The following CALN1 variants were observed in gnomAD, a reference collection of about 807,000 sequenced individuals.
The protein encoded by CALN1 is calneuron 1, also known as calcium-binding protein 8.
In CALN1, 17 loss-of-function variants were observed where a neutral mutation model predicts 30.6. That is an observed-to-expected ratio of 0.56 (90% confidence interval 0.38 to 0.83). The LOEUF is 0.83. Ranked by LOEUF, CALN1 falls within the 40% of genes least tolerant of loss-of-function variation. The pLI, the probability that CALN1 is intolerant of heterozygous loss-of-function variation, is 0.00. For missense variants in CALN1, 291 were observed against 354.9 expected (o/e 0.82, Z 1.45); for synonymous variants, 156 against 131.4 (o/e 1.19, Z -1.28).
chr7:72,025,603 G>A (rs948192965), intron 4 of CALN1, among the ~76,000 whole-genome samples: 1 of 152,124 alleles, frequency 6.6e-6, no homozygotes, highest in Non-Finnish European at 1.5e-5. Flanking sequence ...AGACAAGAGC[G>A]AACCTTCAAG....
chr7:71,854,974 C>T (rs1459740457), intron 5 of CALN1, among the ~76,000 whole-genome samples: 1 of 152,180 alleles, frequency 6.6e-6, no homozygotes, highest in Non-Finnish European at 1.5e-5. Context: ...CCTGTCTGGA[C>T]AAGGGCTATG....
chr7:72,361,324 A>G (rs116140803), intron 2 of CALN1, among the ~76,000 whole-genome samples: 2,067 of 152,150 alleles, frequency 0.014, 61 homozygotes, highest in African/African-American at 0.047. Flanking sequence ...AAATCCATTA[A>G]TAAGTAAAAT....
intron 4 of CALN1, among the ~76,000 whole-genome samples, chr7:72,045,326 C>T (rs981538102): frequency 6.6e-6 from 1 of 152,216 alleles, no homozygotes; most frequent in Non-Finnish European, 1.5e-5. Flanking sequence ...CAGCTCCTGA[C>T]TATGTGTGCT....
chr7:72,064,513 G>A (rs1803886168), intron 4 of CALN1, among the ~76,000 whole-genome samples: 1 of 152,120 alleles, frequency 6.6e-6, no homozygotes, highest in Non-Finnish European at 1.5e-5. Context: ...CCAGTTAGGT[G>A]GGGAAGGGTT....
the CALN1 span, among the ~76,000 whole-genome samples, chr7:72,457,695 G>C: frequency 0.01 from 1,518 of 151,444 alleles, 29 homozygotes; most frequent in African/African-American, 0.035. Flanking sequence ...CCACAGGACT[G>C]TCCCCCACTC....
At chr7:71,874,279 TAA>T (rs57423286) in intron 5 of CALN1, among the ~76,000 whole-genome samples, 43 of 97,612 alleles carry the variant, frequency 4.4e-4, no homozygotes, top group East Asian at 1.0e-3. Flanking sequence ...TCTCAAACAT[TAA>T]AAAAAAAAAA....
intron 6 of CALN1, among the ~76,000 whole-genome samples, chr7:71,790,719 A>G (rs1003060012): frequency 3.9e-5 from 6 of 152,236 alleles, no homozygotes; most frequent in African/African-American, 1.4e-4. Flanking sequence ...GCCCTATTGC[A>G]GAATTACTGA....
chr7:72,395,775 G>T (rs546286031), intron 2 of CALN1, among the ~76,000 whole-genome samples: 2 of 152,050 alleles, frequency 1.3e-5, no homozygotes, highest in Non-Finnish European at 2.9e-5. Flanking sequence ...TTGGTCAATG[G>T]AACAAGAGCA....
intron 5 of CALN1, among the ~76,000 whole-genome samples, chr7:71,900,409 C>A (rs1294551340): frequency 1.3e-5 from 2 of 152,006 alleles, no homozygotes; most frequent in African/African-American, 4.8e-5. Flanking sequence ...CCTAGAAAAC[C>A]CTAAAGACTC....
intron 4 of CALN1, among the ~76,000 whole-genome samples, chr7:72,065,179 C>A (rs1233837047): frequency 6.7e-6 from 1 of 149,342 alleles, no homozygotes; most frequent in Non-Finnish European, 1.5e-5. Context: ...TTTTAATGAC[C>A]TTTATCACCT....
chr7:72,457,062 G>A, the CALN1 span, among the ~76,000 whole-genome samples: 45 of 136,118 alleles, frequency 3.3e-4, no homozygotes, highest in Admixed American at 1.1e-3. Flanking sequence ...AGGCTGGAGT[G>A]CAGTGATGCA....
At chr7:72,171,906 C>A (rs917213016) in intron 3 of CALN1, among the ~76,000 whole-genome samples, 1 of 152,150 alleles carries the variant, frequency 6.6e-6, no homozygotes, top group Admixed American at 6.6e-5. Flanking sequence ...GTGTCGCCAT[C>A]CCATTTTAAA....
chr7:71,892,409 G>C (rs1489982640), intron 5 of CALN1, among the ~76,000 whole-genome samples: 1 of 152,170 alleles, frequency 6.6e-6, no homozygotes. Context: ...GGCCGAGGTG[G>C]GCGGATTACT....
At position 72,203,825 on chromosome 7, in the gene CALN1, A is replaced by T. The variant is rs138490046; in HGVS notation, c.244+74861T>A. 2.5e-3 allele frequency among the ~76,000 whole-genome samples: 374 copies of T among 152,036 alleles called. 3 individuals carry two copies. Among genetic ancestry groups the T allele is most frequent in the Middle Eastern group, 0.017 (5 of 294 alleles). ...TTGTTTAATAACATTTTTTTTTCTAAGTGCAAAAGTCATACTAGCCCAATG... is the reference window on the plus strand; with the variant it reads ...TTGTTTAATAACATTTTTTTTTCTATGTGCAAAAGTCATACTAGCCCAATG... On this transcript the variant is annotated intron_variant, in intron 3 of 6. Coordinates refer to ENST00000395275, the MANE Select transcript of CALN1 (RefSeq NM_031468.4).
intron 5 of CALN1, among the ~76,000 whole-genome samples, chr7:71,966,861 A>T (rs974263047): frequency 6.6e-6 from 1 of 152,318 alleles, no homozygotes; most frequent in African/African-American, 2.4e-5. Flanking sequence ...TTTACATGCA[A>T]CTTTGTAAGT....
chr7:72,264,488 T>A (rs1054497759), intron 3 of CALN1, among the ~76,000 whole-genome samples: 1 of 145,336 alleles, frequency 6.9e-6, no homozygotes, highest in Non-Finnish European at 1.5e-5. Flanking sequence ...TCAAAAATAA[T>A]AAGCAGGATT....
chr7:72,402,976 A>C (rs1389039303), intron 2 of CALN1, among the ~76,000 whole-genome samples: 1 of 152,188 alleles, frequency 6.6e-6, no homozygotes, highest in African/African-American at 2.4e-5. Context: ...TGTAAGTTGT[A>C]TTTGTCATTG....
intron 3 of CALN1, among the ~76,000 whole-genome samples, chr7:72,162,892 C>A (rs1788218956): frequency 6.6e-6 from 1 of 152,182 alleles, no homozygotes; most frequent in South Asian, 2.1e-4. Context: ...AAGTTTGGGG[C>A]TGCCAGAAGA....
At chr7:72,462,185 T>C in the CALN1 span, among the ~76,000 whole-genome samples, 1 of 151,986 alleles carries the variant, frequency 6.6e-6, no homozygotes, top group Non-Finnish European at 1.5e-5. Context: ...TATGTATTTA[T>C]TTATTTATTT....
Sources: allele counts gnomAD v4.1 joint callset (sites outside exome capture counted in the v4.1 genomes callset), GRCh38; gene constraint gnomAD v4.1.1; transcripts MANE v1.5; gene names NCBI Gene and HGNC (gene_info 2026-07-23, HGNC 2026-07-21).